The following ITFG1 variants were observed in gnomAD, a reference collection of about 807,000 sequenced individuals.
ITFG1 encodes integrin alpha FG-GAP repeat containing 1.
ITFG1 carries 34 observed loss-of-function variants against 81.8 expected under a neutral mutation model. The ratio of observed to expected loss-of-function variants is 0.42; its 90% confidence interval spans 0.32 to 0.55. ITFG1 has a LOEUF of 0.55. Among genes scored for constraint, ITFG1 ranks in the 20% least tolerant of loss-of-function variants. ITFG1 has a pLI of 0.17. For synonymous variants in ITFG1, 285 were observed against 270.6 expected (o/e 1.05, Z -0.52); for missense variants, 672 against 755.4 (o/e 0.89, Z 1.29).
intron 14 of ITFG1, among the ~76,000 whole-genome samples, chr16:47,212,966 T>C (rs1177976756): frequency 6.6e-6 from 1 of 152,232 alleles, no homozygotes; most frequent in Admixed American, 6.5e-5. Flanking sequence ...TGCTTTTCTA[T>C]TCATAGGTTG....
chr16:47,451,178 C>G (rs577516121), intron 5 of ITFG1, among the ~76,000 whole-genome samples: 3 of 152,296 alleles, frequency 2.0e-5, no homozygotes, highest in African/African-American at 7.2e-5. Flanking sequence ...CGTAAAGTTT[C>G]AATCTCTAAT....
At chr16:47,324,750 A>C (rs1302991624) in intron 8 of ITFG1, among the ~76,000 whole-genome samples, 7 of 152,192 alleles carry the variant, frequency 4.6e-5, no homozygotes, top group Non-Finnish European at 7.3e-5. Context: ...CCACTACATA[A>C]TGGTAAAGGG....
At chr16:47,210,321 T>C (rs1402802719) in intron 14 of ITFG1, among the ~76,000 whole-genome samples, 3 of 152,198 alleles carry the variant, frequency 2.0e-5, no homozygotes, top group Admixed American at 1.3e-4. Context: ...CATGTGCTAA[T>C]TGCTACCTAT....
rs1967372511 is a variant in ITFG1 at position 47,317,139 on chromosome 16, C to T, written c.803-3316G>A. On this transcript the variant is annotated intron_variant, in intron 8 of 17. Coordinates refer to ENST00000320640, the MANE Select transcript of ITFG1 (RefSeq NM_030790.5). The stretch of plus-strand genomic sequence containing the variant: ...ATCATCCTGAACTAACAAACACATG[C>T]TAACTTCCCTTTGATGGTAACTCTA... Among the ~76,000 whole-genome samples, 4 of 152,160 alleles carry T rather than the reference C, an allele frequency of 2.6e-5. No individual in the cohort carries two copies. In the South Asian group the frequency reaches 8.3e-4, roughly 32 times the overall value.
chr16:47,453,897 T>G (rs1464522126), intron 3 of ITFG1, 116 bp downstream of exon 3: 2 of 690,932 alleles, frequency 2.9e-6, no homozygotes, highest in Non-Finnish European at 4.7e-6. Flanking sequence ...TGAAAAAAGG[T>G]TTTACAATTA....
intron 10 of ITFG1, among the ~76,000 whole-genome samples, chr16:47,264,574 ACACAC>A (rs1966253025): frequency 3.3e-5 from 5 of 151,724 alleles, no homozygotes; most frequent in Non-Finnish European, 2.9e-5. Flanking sequence ...ACACACACAC[ACACAC>A]ACACACACAC....
chr16:47,460,487 G>A (rs1037875968), intron 1 of ITFG1, among the ~76,000 whole-genome samples: 1 of 152,128 alleles, frequency 6.6e-6, no homozygotes, highest in Non-Finnish European at 1.5e-5. Flanking sequence ...CGAACGTTGA[G>A]GCAAGCTACA....
rs142676233 is a variant in ITFG1, at chr16:47,283,206, T to C, written c.1071-22511A>G. On this transcript the variant is annotated intron_variant, in intron 10 of 17. Transcript: ENST00000320640. ...CCTAGGTTTTCTTCCAGGATTTTTATAGTTTCAGGTCTTACATTTAAGATT... is the reference window on the plus strand; with the variant it reads ...CCTAGGTTTTCTTCCAGGATTTTTACAGTTTCAGGTCTTACATTTAAGATT... Among the ~76,000 whole-genome samples, 1,049 of 152,338 alleles carry C rather than the reference T, an allele frequency of 6.9e-3. 7 individuals carry two copies. Among genetic ancestry groups the C allele is most frequent in the Non-Finnish European group, 0.011 (757 of 68,022 alleles).
At chr16:47,360,469 G>A (rs1968095630) in intron 8 of ITFG1, among the ~76,000 whole-genome samples, 1 of 152,108 alleles carries the variant, frequency 6.6e-6, no homozygotes, top group South Asian at 2.1e-4. Flanking sequence ...ACAAACAAGA[G>A]TGCCATTAAT....
chr16:47,433,857 AATATATATATATATATATATATATAT>A (rs4038737), intron 5 of ITFG1, among the ~76,000 whole-genome samples: 75 of 38,382 alleles, frequency 2.0e-3, no homozygotes, highest in Middle Eastern at 0.019. Flanking sequence ...ATAAAAACTG[AATATATATATATATATATATATATAT>A]ATATATATAT....
At chr16:47,229,491 T>A (rs1284468830) in intron 13 of ITFG1, among the ~76,000 whole-genome samples, 3 of 152,000 alleles carry the variant, frequency 2.0e-5, no homozygotes, top group Non-Finnish European at 4.4e-5. Flanking sequence ...CTCAGGAAGC[T>A]AGATTTAGAT....
intron 5 of ITFG1, among the ~76,000 whole-genome samples, chr16:47,443,879 C>G (rs969937158): frequency 6.6e-6 from 1 of 151,700 alleles, no homozygotes; most frequent in African/African-American, 2.4e-5. Flanking sequence ...CACATGTACC[C>G]TAAAACTTAA....
At chr16:47,405,889 A>T (rs1415293054) in intron 6 of ITFG1, among the ~76,000 whole-genome samples, 1 of 152,230 alleles carries the variant, frequency 6.6e-6, no homozygotes. Flanking sequence ...CTAATAATAG[A>T]TACTTATAAT....
At chr16:47,237,128 T>G (rs1208169131) in intron 13 of ITFG1, among the ~76,000 whole-genome samples, 3 of 152,234 alleles carry the variant, frequency 2.0e-5, no homozygotes, top group Non-Finnish European at 4.4e-5. Flanking sequence ...TTGCCCCCAG[T>G]TTGAGTCTAG....
At position 47,413,437 on chromosome 16, in the gene ITFG1, G is replaced by C. The variant is rs143221063; in HGVS notation, c.655+15367C>G. On this transcript the variant is annotated intron_variant, in intron 6 of 17. Coordinates refer to ENST00000320640, the MANE Select transcript of ITFG1 (RefSeq NM_030790.5). The stretch of plus-strand genomic sequence containing the variant: ...AGGCCAGGTCAAATGGATCACACCT[G>C]TAATCCTAGCACTTTGGGAGGCCAA... 8.1e-4 allele frequency among the ~76,000 whole-genome samples: 124 copies of C among 152,334 alleles called. 3 individuals are homozygous for C. The highest frequency in any genetic ancestry group is 2.7e-3 in the African/African-American group (113 of 41,582).
At chr16:47,193,775 T>C (rs576007655) in intron 14 of ITFG1, among the ~76,000 whole-genome samples, 2 of 152,214 alleles carry the variant, frequency 1.3e-5, no homozygotes, top group Non-Finnish European at 2.9e-5. Context: ...TGAATATACA[T>C]AATTAAGTTA....
At chr16:47,181,696 T>C (rs1009938298) in intron 14 of ITFG1, among the ~76,000 whole-genome samples, 2 of 151,984 alleles carry the variant, frequency 1.3e-5, no homozygotes, top group Non-Finnish European at 2.9e-5. Context: ...CAACAGCTCA[T>C]TGAGAATGGG....
Position 47,225,319 on chromosome 16 carries a change from C to T in ITFG1, c.1375-6373G>A, listed in dbSNP as rs532271441. Among the ~76,000 whole-genome samples the T allele has an allele frequency of 7.9e-5, 12 of 151,788 alleles. No individual in the cohort carries two copies. In the South Asian group the frequency reaches 1.9e-3, roughly 24 times the overall value. On this transcript the variant is annotated intron_variant, in intron 13 of 17. Coordinates refer to ENST00000320640, the MANE Select transcript of ITFG1 (RefSeq NM_030790.5). ...TATGGAGCACCATTAAGAATACCAA[C>T]AATAATGGGAGTCCCAGAAGAGAGG...
At chr16:47,360,975 A>G (rs574297718) in intron 8 of ITFG1, among the ~76,000 whole-genome samples, 2 of 152,274 alleles carry the variant, frequency 1.3e-5, no homozygotes, top group South Asian at 2.1e-4. Flanking sequence ...TACTGGGTGT[A>G]CTCATTGAAT....
Sources: allele counts gnomAD v4.1 joint callset (sites outside exome capture counted in the v4.1 genomes callset), GRCh38; gene constraint gnomAD v4.1.1; transcripts MANE v1.5; gene names NCBI Gene and HGNC (gene_info 2026-07-23, HGNC 2026-07-21).